CYTH1: variants seen among roughly 807,000 people sequenced by gnomAD.
CYTH1 encodes the protein cytohesin-1.
In CYTH1, 18 loss-of-function variants were observed where a neutral mutation model predicts 61.8. That is an observed-to-expected ratio of 0.29 (90% CI 0.20 to 0.43). The LOEUF (loss-of-function observed/expected upper bound fraction) is 0.43, where lower values mean the gene tolerates loss of function less well. Among genes scored for constraint, CYTH1 ranks in the 20% least tolerant of loss-of-function variants. CYTH1 has a pLI of 1.00. For missense variants in CYTH1, 336 were observed against 510.5 expected (o/e 0.66, Z 3.29); for synonymous variants, 174 against 184.3 (o/e 0.94, Z 0.45).
chr17:78,732,147 G>C lies in CYTH1; in HGVS notation c.23-22415C>G, dbSNP rs74001219. Among the ~76,000 whole-genome samples the C allele has an allele frequency of 0.01, 1,545 of 152,284 alleles. 47 individuals are homozygous for C. The East Asian group carries it at 0.11, about 11-fold the overall frequency. ...CCTCCCTTCGGCTGACCACGCTGCA[G>C]GCTGATAAAGGCTCTTAATGCCCAG... On this transcript the variant is annotated intron_variant, in intron 1 of 13. Transcript: ENST00000446868.
intron 1 of CYTH1, among the ~76,000 whole-genome samples, chr17:78,771,853 A>G (rs2093472704): frequency 6.6e-6 from 1 of 152,142 alleles, no homozygotes; most frequent in Admixed American, 6.6e-5. Flanking sequence ...TAACCATCTC[A>G]CTACCATAAA....
chr17:78,713,500 C>T (rs1567853917), intron 1 of CYTH1, among the ~76,000 whole-genome samples: 1 of 152,188 alleles, frequency 6.6e-6, no homozygotes, highest in African/African-American at 2.4e-5. Context: ...ATCCAAGGTC[C>T]ATATAATGAA....
intron 1 of CYTH1, among the ~76,000 whole-genome samples, chr17:78,728,325 C>T (rs1386688671): frequency 1.3e-5 from 2 of 152,144 alleles, no homozygotes; most frequent in African/African-American, 2.4e-5. Context: ...GTGGGTGGAT[C>T]ACTTGAGGTC....
At chr17:78,763,579 AAACT>A (rs1457981114) in intron 1 of CYTH1, among the ~76,000 whole-genome samples, 3 of 152,130 alleles carry the variant, frequency 2.0e-5, no homozygotes, top group Non-Finnish European at 4.4e-5. Context: ...GATTAATAAT[AAACT>A]AATAATAAAG....
intron 1 of CYTH1, among the ~76,000 whole-genome samples, chr17:78,764,988 T>C (rs1018879933): frequency 6.6e-6 from 1 of 152,116 alleles, no homozygotes; most frequent in Non-Finnish European, 1.5e-5. Context: ...GGGCACTGGC[T>C]GCTCAAGCAA....
At chr17:78,711,154 C>T (rs988588011) in intron 1 of CYTH1, among the ~76,000 whole-genome samples, 14 of 151,492 alleles carry the variant, frequency 9.2e-5, no homozygotes, top group East Asian at 1.9e-4. Context: ...CCCAGCTACT[C>T]GGGAGGCTGA....
chr17:78,718,805 A>G (rs1184312890), intron 1 of CYTH1, among the ~76,000 whole-genome samples: 1 of 152,236 alleles, frequency 6.6e-6, no homozygotes, highest in Non-Finnish European at 1.5e-5. Context: ...CGTGATGGAA[A>G]AGATAAAGCT....
At position 78,746,522 on chromosome 17, in the gene CYTH1, G is replaced by A. The variant is rs1272505198; in HGVS notation, c.22+35680C>T. Among the ~76,000 whole-genome samples the A allele has an allele frequency of 7.3e-5, 11 of 150,462 alleles. No individual in the cohort carries two copies. The East Asian group carries it at 1.4e-3, about 19-fold the overall frequency. Reference sequence around the variant, plus strand: ...TTCCTACTTCCTCTGTCTTCCTAGGGTAAAAGTATCACTACATGGTAACCT... The same window carrying A: ...TTCCTACTTCCTCTGTCTTCCTAGGATAAAAGTATCACTACATGGTAACCT... On this transcript the variant is annotated intron_variant, in intron 1 of 13. Transcript: ENST00000446868.
At chr17:78,738,385 C>T (rs2093329496) in intron 1 of CYTH1, among the ~76,000 whole-genome samples, 1 of 152,178 alleles carries the variant, frequency 6.6e-6, no homozygotes, top group Non-Finnish European at 1.5e-5. Context: ...TGCTGGACTC[C>T]CAAACCCCTC....
chr17:78,779,397 T>C (rs1351188545), intron 1 of CYTH1, among the ~76,000 whole-genome samples: 4 of 38,434 alleles, frequency 1.0e-4, no homozygotes, highest in Admixed American at 8.9e-4. Context: ...TGAAACTCCA[T>C]CTCAAAAAAA....
chr17:78,717,716 C>T lies in CYTH1; in HGVS notation c.23-7984G>A, dbSNP rs552386888. ...CCCGGGGATATGCCATAAAGTTCCACGGAAAACGCAGCTCTCTGACAGCAG... is the reference window on the plus strand; with the variant it reads ...CCCGGGGATATGCCATAAAGTTCCATGGAAAACGCAGCTCTCTGACAGCAG... On this transcript the variant is annotated intron_variant, in intron 1 of 13. Coordinates refer to ENST00000446868, the MANE Select transcript of CYTH1 (RefSeq NM_004762.6). This position sits in a 1 kb window ranked among gnomAD's most constrained non-coding sequence, Gnocchi z 4.4. Among the ~76,000 whole-genome samples the T allele has an allele frequency of 6.6e-5, 10 of 152,236 alleles. No individual in the cohort carries two copies. The highest frequency in any genetic ancestry group is 1.9e-4 in the East Asian group (1 of 5,166).
At chr17:78,753,854 T>C (rs758820455) in intron 1 of CYTH1, among the ~76,000 whole-genome samples, 2 of 152,184 alleles carry the variant, frequency 1.3e-5, no homozygotes, top group African/African-American at 2.4e-5. Context: ...GTCTAGTACT[T>C]CAAACACCAA....
intron 11 of CYTH1, among the ~76,000 whole-genome samples, chr17:78,685,992 A>G (rs1428534642): frequency 6.6e-6 from 1 of 152,184 alleles, no homozygotes. Flanking sequence ...TTTCTGTAAC[A>G]GTTTCCTGAA....
chr17:78,726,067 G>A (rs1375738335), intron 1 of CYTH1, among the ~76,000 whole-genome samples: 8 of 137,974 alleles, frequency 5.8e-5, no homozygotes, highest in Non-Finnish European at 9.2e-5. Flanking sequence ...TTTTTGAGAC[G>A]GTGTCTTGCT....
intron 3 of CYTH1, among the ~76,000 whole-genome samples, chr17:78,705,021 AT>A (rs1383246773): frequency 1.3e-5 from 2 of 152,166 alleles, no homozygotes; most frequent in Non-Finnish European, 2.9e-5. Context: ...TTGTCTAATC[AT>A]TTTTTTCTAA....
Position 78,675,923 on chromosome 17 carries a change from C to G in CYTH1, c.*168G>C, listed in dbSNP as rs1333710037. 1.3e-6 allele frequency: 2 copies of G among 1,543,028 alleles called. No individual in the cohort carries two copies. Among genetic ancestry groups the G allele is most frequent in the East Asian group, 4.9e-5 (2 of 40,844 alleles). ...TCCTCTCTTCCCCAGTGATAACTGC[C>G]CACCCTTCTCCCACTTAAAAAAAAT... is the stretch of plus-strand genomic sequence containing the variant. On this transcript the variant is annotated 3_prime_UTR_variant, in exon 14 of 14. Transcript: ENST00000446868.
chr17:78,736,278 A>G (rs1293202467), intron 1 of CYTH1, among the ~76,000 whole-genome samples: 2 of 152,230 alleles, frequency 1.3e-5, no homozygotes, highest in Admixed American at 6.5e-5. Context: ...AAGTAGACAC[A>G]ATCACCAAGT....
chr17:78,719,229 T>C (rs2093208012), intron 1 of CYTH1, among the ~76,000 whole-genome samples: 1 of 152,232 alleles, frequency 6.6e-6, no homozygotes, highest in African/African-American at 2.4e-5. Context: ...TTACTTCGGC[T>C]ATCTGTGCCT....
chr17:78,718,054 G>A (rs1308025394), intron 1 of CYTH1, among the ~76,000 whole-genome samples: 1 of 152,072 alleles, frequency 6.6e-6, no homozygotes, highest in Non-Finnish European at 1.5e-5. Context: ...TGCGGAGAAG[G>A]TAAATATACA....
Sources: allele counts gnomAD v4.1 joint callset (sites outside exome capture counted in the v4.1 genomes callset), GRCh38; gene constraint gnomAD v4.1.1; non-coding constraint Gnocchi (gnomAD v3.1); transcripts MANE v1.5; gene names NCBI Gene and HGNC (gene_info 2026-07-23, HGNC 2026-07-21).